Variants in COMMD7 observed in about 807,000 individuals in gnomAD.
COMMD7 encodes the protein COMM domain containing 7.
Under a neutral mutation model 34.8 loss-of-function variants are expected in COMMD7, and 28 were observed. The ratio of observed to expected loss-of-function variants is 0.80; its 90% CI spans 0.60 to 1.10. The LOEUF (loss-of-function observed/expected upper bound fraction) is 1.10. Ranked by LOEUF, COMMD7 falls within the 50% of genes least tolerant of loss-of-function variation. The probability of loss-of-function intolerance (pLI) is 0.00; values close to 1 mark genes in which losing one functional copy is unlikely to be tolerated. For synonymous variants in COMMD7, 80 were observed against 86.4 expected, an observed-to-expected ratio of 0.93 and a Z score of 0.41; for missense variants, 211 against 241.6, an observed-to-expected ratio of 0.87 and a Z score of 0.84.
chr20:32,717,418 C>A (rs935541586), intron 3 of COMMD7, among the ~76,000 whole-genome samples: 2 of 151,732 alleles, frequency 1.3e-5, no homozygotes, highest in Non-Finnish European at 2.9e-5. Context: ...ATCTGCCTCC[C>A]AGGTTCAAGT....
At chr20:32,728,040 C>T in intron 2 of COMMD7, 45 bp from the exon 3 acceptor site, 3 of 1,611,556 alleles carry the variant, frequency 1.9e-6, no homozygotes, top group Non-Finnish European at 2.5e-6. Flanking sequence ...ACTTTCTAAG[C>T]ATCTCAGGGA....
At chr20:32,728,374 A>C (rs1244122035) in intron 1 of COMMD7, among the ~76,000 whole-genome samples, 2 of 152,048 alleles carry the variant, frequency 1.3e-5, no homozygotes, top group Middle Eastern at 3.2e-3. Flanking sequence ...GCAGACATGT[A>C]TTGAGAGACT....
intron 3 of COMMD7, among the ~76,000 whole-genome samples, chr20:32,709,895 T>C (rs1984330987): frequency 6.6e-6 from 1 of 151,844 alleles, no homozygotes; most frequent in Non-Finnish European, 1.5e-5. Flanking sequence ...TTTACTTTTT[T>C]TTTTTTTTAA....
intron 1 of COMMD7, among the ~76,000 whole-genome samples, chr20:32,740,804 A>G (rs566239142): frequency 5.2e-4 from 63 of 120,544 alleles, no homozygotes; most frequent in Non-Finnish European, 9.4e-4. Flanking sequence ...ACAGAGCGAG[A>G]CCCTGCCTCA....
intron 3 of COMMD7, among the ~76,000 whole-genome samples, chr20:32,723,078 C>CTGCACTT (rs1600988731): frequency 3.0e-4 from 12 of 40,630 alleles, no homozygotes; most frequent in South Asian, 7.4e-4. Flanking sequence ...ACTTGTGATC[C>CTGCACTT]TCTCCCTCTC....
intron 3 of COMMD7, among the ~76,000 whole-genome samples, chr20:32,713,214 AT>A (rs879714838): frequency 4.0e-5 from 6 of 150,186 alleles, no homozygotes; most frequent in South Asian, 2.1e-4. Context: ...ATGCCTGGCT[AT>A]TTTTTTTTGT....
chr20:32,741,376 C>T (rs892774711), intron 1 of COMMD7, among the ~76,000 whole-genome samples: 2 of 143,192 alleles, frequency 1.4e-5, no homozygotes, highest in South Asian at 2.3e-4. Context: ...GCTGTGCCAC[C>T]GTACCCAACT....
chr20:32,713,756 A>C (rs1984607894), intron 3 of COMMD7, among the ~76,000 whole-genome samples: 2 of 152,204 alleles, frequency 1.3e-5, no homozygotes, highest in Admixed American at 1.3e-4. Context: ...TGCCCTTATG[A>C]GGCTTCCATT....
intron 5 of COMMD7, among the ~76,000 whole-genome samples, chr20:32,705,370 ATATATAT>A (rs1261496223): frequency 1.1e-5 from 1 of 90,848 alleles, no homozygotes; most frequent in Non-Finnish European, 2.8e-5. Context: ...ATATATATAT[ATATATAT>A]TTTTTTTTTT....
rs558464566 is a variant in COMMD7 at position 32,741,507 on chromosome 20, T to C, written c.84+1801A>G. On this transcript the variant is annotated intron_variant, in intron 1 of 8. Coordinates refer to ENST00000278980, the MANE Select transcript of COMMD7 (RefSeq NM_053041.3). ...TCAGGTTCAGGCGATTCTCCTGCCT[T>C]AGCCTCCAGAGTAGCCGGGACTACA... Among the ~76,000 whole-genome samples the C allele has an allele frequency of 9.2e-4, 140 of 151,976 alleles. 2 individuals are homozygous for C. The highest frequency in any genetic ancestry group is 1.7e-3 in the Non-Finnish European group (116 of 67,940).
In COMMD7 at chr20:32,703,260, A is replaced by G; in HGVS notation, c.*122T>C. 2 of 830,562 alleles carry G rather than the reference A, an allele frequency of 2.4e-6. No homozygotes were observed. The highest frequency in any genetic ancestry group is 5.1e-5 in the East Asian group (2 of 39,140). 51.4% of individuals were successfully genotyped at this position (830,562 alleles called of 1,614,324 possible). A position where few individuals can be genotyped will look rare whatever the true frequency, so the allele number is the denominator to read the frequency against. On this transcript the variant is annotated 3_prime_UTR_variant, in exon 9 of 9. Coordinates refer to ENST00000278980, the MANE Select transcript of COMMD7 (RefSeq NM_053041.3). ...CAGAAACCCTTTGCACCTGGGCCCC[A>G]TGGAGCCAGCAGGGCCCCATGGAGC...
At chr20:32,718,515 A>G (rs572739446) in intron 3 of COMMD7, among the ~76,000 whole-genome samples, 114 of 152,240 alleles carry the variant, frequency 7.5e-4, no homozygotes, top group African/African-American at 2.6e-3. Context: ...CCTGGGCAAC[A>G]CAGTGAAACC....
chr20:32,703,196 T>C lies in COMMD7; in HGVS notation c.*186A>G. 2.0e-6 allele frequency: 1 copy of C among 496,926 alleles called. No individual in the cohort carries two copies. The highest frequency in any genetic ancestry group is 3.2e-5 in the East Asian group (1 of 30,902). The allele number at this position is 496,926 out of a possible 1,614,324, so 30.8% of individuals were successfully genotyped here. A position where few individuals can be genotyped will look rare whatever the true frequency, so the allele number is the denominator to read the frequency against. On this transcript the variant is annotated 3_prime_UTR_variant, in exon 9 of 9. Transcript: ENST00000278980. Reference sequence around the variant, plus strand: ...CCCTAACAGAGAGTTTACAGGGTAATTGTGTTGGGCTCTTTCAGTACTTAA... The same window carrying C: ...CCCTAACAGAGAGTTTACAGGGTAACTGTGTTGGGCTCTTTCAGTACTTAA...
chr20:32,742,927 T>C (rs2051462054), intron 1 of COMMD7, among the ~76,000 whole-genome samples: 2 of 152,034 alleles, frequency 1.3e-5, no homozygotes, highest in Admixed American at 1.3e-4. Flanking sequence ...CCCACGCCCT[T>C]AGTCTGTTCC....
intron 3 of COMMD7, among the ~76,000 whole-genome samples, chr20:32,725,325 A>C (rs1181948692): frequency 6.6e-6 from 1 of 152,128 alleles, no homozygotes; most frequent in African/African-American, 2.4e-5. Context: ...AAAATATAAA[A>C]GGCCATAGTC....
chr20:32,742,809 C>T (rs1350501480), intron 1 of COMMD7, among the ~76,000 whole-genome samples: 6 of 152,124 alleles, frequency 3.9e-5, no homozygotes. Context: ...CCAGGCCAAG[C>T]TTCCCCGGGC....
chr20:32,739,474 T>G (rs1986312801), intron 1 of COMMD7, among the ~76,000 whole-genome samples: 1 of 151,360 alleles, frequency 6.6e-6, no homozygotes, highest in African/African-American at 2.4e-5. Flanking sequence ...TGAAACCCCA[T>G]CTCTACTAAA....
At chr20:32,739,654 A>AAAAAAAAAAAAAAAAAAAC (rs1986328098) in intron 1 of COMMD7, among the ~76,000 whole-genome samples, 1 of 135,990 alleles carries the variant, frequency 7.4e-6, no homozygotes, top group Non-Finnish European at 1.6e-5. Context: ...CAAAAAAAAA[A>AAAAAAAAAAAAAAAAAAAC]AAAAAAAAAA....
chr20:32,743,085 G>T (rs73255944), intron 1 of COMMD7, among the ~76,000 whole-genome samples: 2,038 of 152,054 alleles, frequency 0.013, 44 homozygotes, highest in Middle Eastern at 0.044. Context: ...CCCCTCAGGT[G>T]GCCCTTAGGC....
Sources: gnomAD v4.1 joint callset for allele counts (sites outside exome capture counted in the v4.1 genomes callset) on GRCh38, gnomAD v4.1.1 for gene constraint, MANE v1.5 for transcripts, NCBI Gene and HGNC (gene_info 2026-07-23, HGNC 2026-07-21) for gene names.